Variants in EP300 observed in about 807,000 individuals in gnomAD.
The protein encoded by EP300 is histone acetyltransferase p300.
A neutral mutation model predicts 264.0 loss-of-function variants in EP300; 31 were observed. The ratio of observed to expected loss-of-function variants is 0.12; its 90% confidence interval spans 0.09 to 0.16. EP300 has a LOEUF of 0.16. Ranked by LOEUF, EP300 falls within the 10% of genes least tolerant of loss-of-function variation. The probability of loss-of-function intolerance (pLI) is 1.00; values close to 1 mark genes in which losing one functional copy is unlikely to be tolerated. For synonymous variants in EP300, 1,340 were observed against 1,045.4 expected, an observed-to-expected ratio of 1.28 and a Z score of -5.44; for missense variants, 2,766 against 3,052.9, an observed-to-expected ratio of 0.91 and a Z score of 2.21.
At chr22:41,152,038 A>G in intron 15 of EP300, 26 bp downstream of exon 15, 1 of 1,613,900 alleles carries the variant, frequency 6.2e-7, no homozygotes, top group Non-Finnish European at 8.5e-7. Context: ...TTACTGTTTG[A>G]TTTGGTTAGG....
chr22:41,105,471 T>C (rs1569084163), intron 1 of EP300, among the ~76,000 whole-genome samples: 1 of 151,750 alleles, frequency 6.6e-6, no homozygotes, highest in African/African-American at 2.4e-5. Context: ...CAGTCTCCAC[T>C]CACTGCAGCC....
Position 41,141,119 on chromosome 22 carries a change from C to G in EP300, c.1950C>G (p.Thr650=), listed in dbSNP as rs2145726085. 6.2e-7 allele frequency: 1 copy of G among 1,614,044 alleles called. No individual in the cohort carries two copies. The highest frequency in any genetic ancestry group is 1.1e-5 in the South Asian group (1 of 91,078). ...AAGAACTAGAAGAAAAACGAAGGAC[C>G]AGACTACAGAAGCAGAACATGCTAC... ...IQKELEEKRR[T]RLQKQNMLPN... Residue 650 remains threonine, a synonymous_variant, in exon 10 of 31, where the codon ACC becomes ACG. Coordinates refer to ENST00000263253, the MANE Select transcript of EP300 (RefSeq NM_001429.4).
chr22:41,150,137 G>C lies in EP300; in HGVS notation c.2756G>C (p.Ser919Thr). The C allele has an allele frequency of 6.2e-7, 1 of 1,612,504 alleles. No homozygotes were observed. The highest frequency in any genetic ancestry group is 8.5e-7 in the Non-Finnish European group (1 of 1,179,918). ...QPQQQPRSQQ[S>T]TAASVPTPTA... The stretch of plus-strand genomic sequence containing the variant: ...CAGCAGCAGCCTCGCTCACAGCAGA[G>C]CACAGCAGCGTCTGTTCCTACCCCA... The change falls in exon 14 of 31, where the codon AGC (serine) becomes ACC (threonine). Residue 919 changes from serine (S) to threonine (T), a missense_variant. Coordinates refer to ENST00000263253, the MANE Select transcript of EP300 (RefSeq NM_001429.4).
At chr22:41,127,190 C>G (rs1290695697) in intron 3 of EP300, among the ~76,000 whole-genome samples, 1 of 152,176 alleles carries the variant, frequency 6.6e-6, no homozygotes, top group Non-Finnish European at 1.5e-5. Flanking sequence ...GTGCTTTTAA[C>G]TACAGACACC....
rs1280109939 is a variant in EP300 at position 41,141,049 on chromosome 22, C to T, written c.1880C>T (p.Ala627Val). Residue 627 changes from alanine (A) to valine (V), a missense_variant and splice_region_variant, in exon 10 of 31, where the codon GCG (alanine) becomes GTG (valine). Transcript: ENST00000263253. ...TATTTTACTTCAACAATTCAAAAGGCGGAATACTACCACCTTCTAGCTGAG... is the reference window on the plus strand; with the variant it reads ...TATTTTACTTCAACAATTCAAAAGGTGGAATACTACCACCTTCTAGCTGAG... ...GDMYESANNR[A>V]EYYHLLAEKI... The T allele has an allele frequency of 1.9e-6, 3 of 1,613,524 alleles. No individual in the cohort carries two copies. Among genetic ancestry groups the T allele is most frequent in the African/African-American group, 2.7e-5 (2 of 74,968 alleles).
intron 1 of EP300, among the ~76,000 whole-genome samples, chr22:41,095,609 A>G (rs2058698090): frequency 1.3e-5 from 2 of 152,000 alleles, no homozygotes; most frequent in South Asian, 4.2e-4. Context: ...TATTGGAGGC[A>G]CATCACCTCT....
intron 2 of EP300, among the ~76,000 whole-genome samples, chr22:41,125,525 C>T (rs991873675): frequency 3.2e-4 from 49 of 152,012 alleles, no homozygotes; most frequent in African/African-American, 1.1e-3. Context: ...CTTGGCCTCG[C>T]AAAGTGGTGG....
In EP300 at chr22:41,157,269, T is replaced by C. The variant is rs775528334; in HGVS notation, c.3362T>C (p.Ile1121Thr). The change falls in exon 18 of 31, where the codon ATT (isoleucine) becomes ACT (threonine). Residue 1121 changes from isoleucine (I) to threonine (T), a missense_variant. Physicochemically the swap from Ile to Thr is moderately conservative, Grantham distance 89. Coordinates refer to ENST00000263253, the MANE Select transcript of EP300 (RefSeq NM_001429.4). ...YQEPWQYVDD[I>T]WLMFNNAWLY... Reference sequence around the variant, plus strand: ...GAGCCCTGGCAGTATGTCGATGATATTTGGCTTATGTTCAATAATGCCTGG... The same window carrying C: ...GAGCCCTGGCAGTATGTCGATGATACTTGGCTTATGTTCAATAATGCCTGG... 2 of 1,614,184 alleles carry C rather than the reference T, an allele frequency of 1.2e-6. No homozygotes were observed. Among genetic ancestry groups the C allele is most frequent in the East Asian group, 2.2e-5 (1 of 44,876 alleles).
At chr22:41,106,681 T>C (rs2058759693) in intron 1 of EP300, among the ~76,000 whole-genome samples, 2 of 152,192 alleles carry the variant, frequency 1.3e-5, no homozygotes, top group African/African-American at 4.8e-5. Flanking sequence ...AGTGGCGCAA[T>C]CTTGGCTCAC....
At chr22:41,158,614 C>T in intron 19 of EP300, 114 bp downstream of exon 19, 2 of 822,566 alleles carry the variant, frequency 2.4e-6, no homozygotes, top group Non-Finnish European at 4.1e-6. Context: ...TTGAAGACAG[C>T]TGTATAGCAC....
At chr22:41,175,898 G>A (rs1002187630) in intron 29 of EP300, among the ~76,000 whole-genome samples, 3 of 152,214 alleles carry the variant, frequency 2.0e-5, no homozygotes, top group Non-Finnish European at 2.9e-5. Context: ...GGCGTATGGT[G>A]GTGAAACTAA....
intron 12 of EP300, chr22:41,148,785 G>A (rs2059026419): frequency 3.7e-6 from 2 of 542,032 alleles, no homozygotes; most frequent in Admixed American, 3.2e-5. Flanking sequence ...CCAAGAGAAT[G>A]TGTGTTCCAT....
chr22:41,106,152 G>C (rs2058756935), intron 1 of EP300, among the ~76,000 whole-genome samples: 1 of 152,030 alleles, frequency 6.6e-6, no homozygotes, highest in Non-Finnish European at 1.5e-5. Flanking sequence ...AAAGTTGTTG[G>C]AACCTGATAA....
chr22:41,126,113 CTTCTG>C (rs1373752454), intron 3 of EP300, 73 bp downstream of exon 3: 1 of 1,496,802 alleles, frequency 6.7e-7, no homozygotes, highest in East Asian at 2.3e-5. Context: ...AACTTTCACC[CTTCTG>C]TTATATATGC....
At chr22:41,094,873 A>G (rs532847228) in intron 1 of EP300, among the ~76,000 whole-genome samples, 1 of 152,278 alleles carries the variant, frequency 6.6e-6, no homozygotes, top group South Asian at 2.1e-4. Context: ...TGTATTGTTT[A>G]AATACTTCTG....
At chr22:41,112,706 A>ATTAT (rs60079928) in intron 1 of EP300, among the ~76,000 whole-genome samples, 108,978 of 149,568 alleles carry the variant, frequency 0.73, 40,003 homozygotes, top group East Asian at 0.99. Flanking sequence ...TAATTTTTAT[A>ATTAT]TTGTTTTTTT....
In EP300 at chr22:41,178,681, C is replaced by A. The variant is rs202094489; in HGVS notation, c.6970C>A (p.His2324Asn). ...PSPRPQSQPP[H>N]SSPSPRMQPQ... ...TCCACGGCCACAGTCCCAGCCCCCC[C>A]ACTCCAGTCCTTCCCCAAGGATGCA... Residue 2324 changes from histidine (H) to asparagine (N), a missense_variant, in exon 31 of 31, where the codon CAC becomes AAC. Transcript: ENST00000263253. 9.9e-6 allele frequency: 16 copies of A among 1,614,080 alleles called. No homozygotes were observed. The highest frequency in any genetic ancestry group is 5.0e-5 in the Admixed American group (3 of 59,996).
chr22:41,122,888 T>G (rs1443879153), intron 2 of EP300, among the ~76,000 whole-genome samples: 1 of 151,962 alleles, frequency 6.6e-6, no homozygotes, highest in African/African-American at 2.4e-5. Context: ...AAACAAAAAT[T>G]AGCTGGGCAT....
chr22:41,103,262 T>G (rs1053196667), intron 1 of EP300, among the ~76,000 whole-genome samples: 4 of 152,168 alleles, frequency 2.6e-5, no homozygotes, highest in Non-Finnish European at 5.9e-5. Context: ...AGTTGGTGGT[T>G]CTTCTGAGTT....
Sources: allele counts gnomAD v4.1 joint callset (sites outside exome capture counted in the v4.1 genomes callset), GRCh38; gene constraint gnomAD v4.1.1; transcripts MANE v1.5; gene names NCBI Gene and HGNC (gene_info 2026-07-23, HGNC 2026-07-21).